The following KCNH8 variants were observed in gnomAD, a reference collection of about 807,000 sequenced individuals.
The protein encoded by KCNH8 is voltage-gated delayed rectifier potassium channel KCNH8.
A neutral mutation model predicts 103.6 loss-of-function variants in KCNH8; 70 were observed. The observed-to-expected ratio is 0.68, with a 90% CI of 0.56 to 0.82. The LOEUF (loss-of-function observed/expected upper bound fraction) is 0.82. Among genes scored for constraint, KCNH8 ranks in the 40% least tolerant of loss-of-function variants. The pLI, the probability that KCNH8 is intolerant of heterozygous loss-of-function variation, is 0.00. For missense variants in KCNH8, 1,217 were observed against 1,329.9 expected, an observed-to-expected ratio of 0.92 and a Z score of 1.32; for synonymous variants, 498 against 489.4, an observed-to-expected ratio of 1.02 and a Z score of -0.23.
chr3:19,513,020 GGAAGATGAGGAA>G lies in KCNH8; in HGVS notation c.2133_2144del (p.Asp712_Glu715del). The G allele has an allele frequency of 6.2e-7, 1 of 1,613,606 alleles. No individual in the cohort carries two copies. The highest frequency in any genetic ancestry group is 8.5e-7 in the Non-Finnish European group (1 of 1,179,804). Reference sequence around the variant, plus strand: ...TCAACAAGCGACTCCCATCCATTGTGGAAGATGAGGAAGAGGAGGAGGAGGGGGAGGAAGAGG... The same window carrying G: ...TCAACAAGCGACTCCCATCCATTGTGGAGGAGGAGGAGGGGGAGGAAGAGG... On this transcript the variant is annotated inframe_deletion, in exon 13 of 16. Coordinates refer to ENST00000328405, the MANE Select transcript of KCNH8 (RefSeq NM_144633.3).
At chr3:19,434,987 A>T (rs2067176707) in intron 7 of KCNH8, among the ~76,000 whole-genome samples, 1 of 152,152 alleles carries the variant, frequency 6.6e-6, no homozygotes, top group South Asian at 2.1e-4. Context: ...TTGTATGGTT[A>T]ATAATGTATT....
At chr3:19,195,332 CT>C (rs2063590310) in intron 1 of KCNH8, among the ~76,000 whole-genome samples, 1 of 151,998 alleles carries the variant, frequency 6.6e-6, no homozygotes, top group East Asian at 1.9e-4. Context: ...TCTATTCTGA[CT>C]TTTTAGAAGG....
At chr3:19,191,638 A>G (rs998670933) in intron 1 of KCNH8, among the ~76,000 whole-genome samples, 5 of 151,672 alleles carry the variant, frequency 3.3e-5, no homozygotes, top group Non-Finnish European at 7.4e-5. Context: ...TAGCCTTTCA[A>G]TATCTAATCA....
intron 3 of KCNH8, among the ~76,000 whole-genome samples, chr3:19,324,098 G>C (rs1175648758): frequency 6.6e-6 from 1 of 152,106 alleles, no homozygotes; most frequent in South Asian, 2.1e-4. Context: ...GGCTACCAGG[G>C]TGGGTAGAGA....
At chr3:19,489,925 A>G (rs1387928984) in intron 11 of KCNH8, among the ~76,000 whole-genome samples, 1 of 152,214 alleles carries the variant, frequency 6.6e-6, no homozygotes, top group Admixed American at 6.5e-5. Flanking sequence ...CCATGCTTCC[A>G]CTCAAATGGA....
intron 15 of KCNH8, among the ~76,000 whole-genome samples, chr3:19,533,016 A>G (rs1213160371): frequency 6.6e-6 from 1 of 152,068 alleles, no homozygotes; most frequent in African/African-American, 2.4e-5. Flanking sequence ...CATCCTGGCT[A>G]ACATGATGAA....
chr3:19,503,159 C>CA (rs1436307962), intron 11 of KCNH8, among the ~76,000 whole-genome samples: 147 of 151,022 alleles, frequency 9.7e-4, no homozygotes, highest in African/African-American at 3.4e-3. Flanking sequence ...TTTATGCAGC[C>CA]AAAAAACACA....
At chr3:19,189,478 CT>C (rs2063531354) in intron 1 of KCNH8, among the ~76,000 whole-genome samples, 1 of 151,638 alleles carries the variant, frequency 6.6e-6, no homozygotes, top group Non-Finnish European at 1.5e-5. Context: ...GTGTTTTGGC[CT>C]TTTTGGTCTT....
chr3:19,348,304 C>T (rs2065754588), intron 5 of KCNH8, among the ~76,000 whole-genome samples: 1 of 152,100 alleles, frequency 6.6e-6, no homozygotes. Flanking sequence ...TTGACAAAAA[C>T]CCACCAGTGG....
chr3:19,309,875 T>C (rs2065187248), intron 3 of KCNH8, among the ~76,000 whole-genome samples: 1 of 151,934 alleles, frequency 6.6e-6, no homozygotes, highest in Non-Finnish European at 1.5e-5. Context: ...ACAGGACAAT[T>C]TGCTTTGGCA....
At chr3:19,378,053 C>T (rs1219022277) in intron 5 of KCNH8, among the ~76,000 whole-genome samples, 3 of 151,870 alleles carry the variant, frequency 2.0e-5, no homozygotes, top group Non-Finnish European at 2.9e-5. Flanking sequence ...GGGAGTTGTG[C>T]GTGTTGGGGG....
intron 11 of KCNH8, among the ~76,000 whole-genome samples, chr3:19,499,498 CA>C (rs760808993): frequency 2.3e-4 from 35 of 152,074 alleles, no homozygotes; most frequent in Non-Finnish European, 4.3e-4. Context: ...TCAGATTCAC[CA>C]AAGTTGAAAT....
chr3:19,525,726 G>A (rs1401382582), intron 15 of KCNH8, among the ~76,000 whole-genome samples: 3 of 151,874 alleles, frequency 2.0e-5, no homozygotes, highest in Non-Finnish European at 2.9e-5. Flanking sequence ...TTTAAGAGAC[G>A]TCGGCTGCAC....
chr3:19,376,191 C>T (rs2066197328), intron 5 of KCNH8, among the ~76,000 whole-genome samples: 1 of 152,204 alleles, frequency 6.6e-6, no homozygotes, highest in South Asian at 2.1e-4. Context: ...GGCGCCCCTC[C>T]CCCAGCCTCG....
intron 3 of KCNH8, among the ~76,000 whole-genome samples, chr3:19,288,911 T>C (rs1053513741): frequency 3.9e-5 from 6 of 152,206 alleles, no homozygotes; most frequent in African/African-American, 1.4e-4. Flanking sequence ...GACTTTTTAA[T>C]GATTGCCATT....
chr3:19,182,592 T>C (rs2063465032), intron 1 of KCNH8, among the ~76,000 whole-genome samples: 1 of 152,124 alleles, frequency 6.6e-6, no homozygotes, highest in Non-Finnish European at 1.5e-5. Context: ...TTTTTCCTGC[T>C]CAGAGCCCTG....
intron 7 of KCNH8, among the ~76,000 whole-genome samples, chr3:19,406,218 T>G (rs957218017): frequency 3.9e-5 from 6 of 152,098 alleles, no homozygotes; most frequent in Non-Finnish European, 4.4e-5. Flanking sequence ...TTTTATACCA[T>G]TAAAGTATAA....
Position 19,452,632 on chromosome 3 carries a change from A to G in KCNH8, c.1825+1228A>G, listed in dbSNP as rs183028854. 3.2e-3 allele frequency among the ~76,000 whole-genome samples: 487 copies of G among 152,294 alleles called. 1 individual carries two copies. Among genetic ancestry groups the G allele is most frequent in the African/African-American group, 0.011 (461 of 41,568 alleles). On this transcript the variant is annotated intron_variant, in intron 10 of 15. Transcript: ENST00000328405. Reference sequence around the variant, plus strand: ...ATTTCAAACACCAATATAAAACACAATATTTAGAGTTTGTGCTAATAAAAG... The same window carrying G: ...ATTTCAAACACCAATATAAAACACAGTATTTAGAGTTTGTGCTAATAAAAG...
chr3:19,501,953 A>T lies in KCNH8; in HGVS notation c.2041-8410A>T, dbSNP rs557189981. ...CAATTAGGAGAAGGAAATAAAGGGT[A>T]TTCAATTAGGAAAAGAGGAAGTCAA... On this transcript the variant is annotated intron_variant, in intron 11 of 15. Coordinates refer to ENST00000328405, the MANE Select transcript of KCNH8 (RefSeq NM_144633.3). 3.9e-5 allele frequency among the ~76,000 whole-genome samples: 6 copies of T among 152,286 alleles called. No individual in the cohort carries two copies. The South Asian group carries it at 6.2e-4, about 16-fold the overall frequency.
Sources: allele counts gnomAD v4.1 joint callset (sites outside exome capture counted in the v4.1 genomes callset), GRCh38; gene constraint gnomAD v4.1.1; transcripts MANE v1.5; gene names NCBI Gene and HGNC (gene_info 2026-07-23, HGNC 2026-07-21).